WNK1: variants seen among roughly 807,000 people sequenced by gnomAD.
The protein encoded by WNK1 is serine/threonine-protein kinase WNK1.
WNK1 carries 38 observed loss-of-function variants against 222.8 expected under a neutral mutation model. The observed-to-expected ratio is 0.17, with a 90% CI of 0.13 to 0.22. The LOEUF (loss-of-function observed/expected upper bound fraction) is 0.22, where lower values mean the gene tolerates loss of function less well. Ranked by LOEUF, WNK1 falls within the 10% of genes least tolerant of loss-of-function variation. The pLI is 1.00. For synonymous variants in WNK1, 1,090 were observed against 1,092.9 expected, an observed-to-expected ratio of 1.00 and a Z score of 0.05; for missense variants, 2,348 against 2,918.4, an observed-to-expected ratio of 0.80 and a Z score of 4.50.
intron 1 of WNK1, among the ~76,000 whole-genome samples, chr12:807,142 T>G (rs1591790934): frequency 6.6e-6 from 1 of 150,586 alleles, no homozygotes; most frequent in Non-Finnish European, 1.5e-5. Context: ...GGGGAGTGGG[T>G]GGGAAGGTAG....
intron 4 of WNK1, among the ~76,000 whole-genome samples, chr12:834,277 A>G (rs914977409): frequency 6.6e-6 from 1 of 152,184 alleles, no homozygotes; most frequent in African/African-American, 2.4e-5. Context: ...CCTGCTCCCA[A>G]ATCCTGTCTC....
intron 1 of WNK1, among the ~76,000 whole-genome samples, chr12:776,719 C>T (rs1170240658): frequency 2.6e-5 from 4 of 152,216 alleles, no homozygotes; most frequent in South Asian, 4.2e-4. Flanking sequence ...TGTGAGCTAC[C>T]GCGCCTGGCC....
chr12:859,119 C>A, intron 5 of WNK1, 126 bp from the exon 6 acceptor site: 1 of 800,944 alleles, frequency 1.2e-6, no homozygotes. Flanking sequence ...ATGAGTTATA[C>A]TTTCCCCTGT....
chr12:807,708 A>ATTTT (rs1946493190), intron 1 of WNK1, among the ~76,000 whole-genome samples: 1 of 127,724 alleles, frequency 7.8e-6, no homozygotes, highest in African/African-American at 3.1e-5. Flanking sequence ...GGGAGCAATA[A>ATTTT]TTCTTTTTTT....
chr12:908,861 G>GCA lies in WNK1; in HGVS notation c.*69_*70insCA. The GCA allele has an allele frequency of 6.1e-6, 3 of 491,840 alleles. No individual in the cohort carries two copies. Among genetic ancestry groups the GCA allele is most frequent in the Non-Finnish European group, 1.2e-5 (3 of 241,768 alleles). 30.5% of individuals were successfully genotyped at this position (491,840 alleles called of 1,614,324 possible). A position where few individuals can be genotyped will look rare whatever the true frequency, so the allele number is the denominator to read the frequency against. On this transcript the variant is annotated 3_prime_UTR_variant, in exon 28 of 28. Coordinates refer to ENST00000315939, the MANE Select transcript of WNK1 (RefSeq NM_018979.4). Reference sequence around the variant, plus strand: ...ATGCTGAGGGGGTGGGTGGGGGTGGGAAGTAGCCTATATACTAACTACTAG... The same window carrying GCA: ...ATGCTGAGGGGGTGGGTGGGGGTGGGCAAAGTAGCCTATATACTAACTACTAG...
intron 4 of WNK1, among the ~76,000 whole-genome samples, chr12:846,295 C>T (rs1360811477): frequency 6.6e-6 from 1 of 152,058 alleles, no homozygotes; most frequent in Non-Finnish European, 1.5e-5. Flanking sequence ...AAGTCTATGC[C>T]ACTGATAATG....
chr12:767,922 A>C (rs12310187), intron 1 of WNK1, among the ~76,000 whole-genome samples: 2,241 of 152,212 alleles, frequency 0.015, 51 homozygotes, highest in African/African-American at 0.051. Context: ...TGCTTCAACG[A>C]CGTAACTGAG....
At chr12:809,072 CTCTTA>C (rs1293906931) in intron 1 of WNK1, among the ~76,000 whole-genome samples, 1 of 151,720 alleles carries the variant, frequency 6.6e-6, no homozygotes, top group Non-Finnish European at 1.5e-5. Context: ...CCTCCTATCT[CTCTTA>C]TAAGTAGACT....
chr12:876,535 T>C (rs141809350), intron 9 of WNK1, among the ~76,000 whole-genome samples: 1 of 152,376 alleles, frequency 6.6e-6, no homozygotes, highest in East Asian at 1.9e-4. Context: ...AGCAAAAATA[T>C]TATTTGTAGA....
intron 1 of WNK1, among the ~76,000 whole-genome samples, chr12:773,258 CA>C (rs911693561): frequency 0.018 from 2,463 of 140,056 alleles, 58 homozygotes; most frequent in African/African-American, 0.057. Flanking sequence ...AACTCCATCT[CA>C]AAAAAAAAAA....
chr12:900,628 G>A lies in WNK1; in HGVS notation c.6601G>A (p.Asp2201Asn). 1.2e-6 allele frequency: 2 copies of A among 1,614,206 alleles called. No individual in the cohort carries two copies. The highest frequency in any genetic ancestry group is 8.5e-7 in the Non-Finnish European group (1 of 1,180,038). Reference sequence around the variant, plus strand: ...CAACCTCTATTCAGCCTTCACCAGTGATGGTGCCATTTCAGTACCAAGCCT... The same window carrying A: ...CAACCTCTATTCAGCCTTCACCAGTAATGGTGCCATTTCAGTACCAAGCCT... Reference protein sequence around the residue: ...SDNLYSAFTSDGAISVPSLSA... With the variant: ...SDNLYSAFTSNGAISVPSLSA... The change falls in exon 26 of 28, where the codon GAT becomes AAT. Residue 2201 changes from aspartate to asparagine, a missense_variant. Coordinates refer to ENST00000315939, the MANE Select transcript of WNK1 (RefSeq NM_018979.4).
intron 26 of WNK1, among the ~76,000 whole-genome samples, chr12:905,502 A>G (rs543844743): frequency 6.6e-5 from 10 of 152,278 alleles, no homozygotes; most frequent in African/African-American, 1.9e-4. Context: ...TGGATAAGCA[A>G]TGGTCACGCC....
chr12:908,132 T>C, intron 27 of WNK1, 98 bp downstream of exon 27: 1 of 1,415,856 alleles, frequency 7.1e-7, no homozygotes, highest in Non-Finnish European at 9.8e-7. Context: ...GCCACGACCT[T>C]CTTCAATTTT....
At chr12:887,881 A>G (rs1953823684) in intron 20 of WNK1, among the ~76,000 whole-genome samples, 1 of 152,178 alleles carries the variant, frequency 6.6e-6, no homozygotes, top group Non-Finnish European at 1.5e-5. Context: ...TGCTAACATT[A>G]TGAGATCACT....
chr12:853,265 T>C (rs771219877), intron 4 of WNK1, among the ~76,000 whole-genome samples: 1 of 152,168 alleles, frequency 6.6e-6, no homozygotes, highest in Non-Finnish European at 1.5e-5. Flanking sequence ...TGCACAGTTA[T>C]TGGTTTTGCT....
intron 24 of WNK1, among the ~76,000 whole-genome samples, 178 bp downstream of exon 24, chr12:896,910 ACACACACACACACACACACACACACACAC>A (rs1311865735): frequency 6.4e-5 from 3 of 46,694 alleles, no homozygotes; most frequent in Admixed American, 2.8e-4. Flanking sequence ...ACACACACAC[ACACACACACACACACACACACACACACAC>A]GATTCCCAAC....
chr12:812,161 G>A (rs1946967659), intron 1 of WNK1, among the ~76,000 whole-genome samples: 2 of 152,120 alleles, frequency 1.3e-5, no homozygotes, highest in South Asian at 4.1e-4. Flanking sequence ...CAAAAGCTGG[G>A]ACCTTTGCAA....
intron 10 of WNK1, 133 bp from the exon 11 acceptor site, chr12:879,440 T>G: frequency 2.9e-6 from 2 of 699,204 alleles, no homozygotes; most frequent in Non-Finnish European, 4.7e-6. Flanking sequence ...GTTTTGTTGG[T>G]TTGGTGTTTT....
At chr12:900,016 C>CTTTTTTTTTTT (rs11433731) in intron 25 of WNK1, among the ~76,000 whole-genome samples, 7 of 119,640 alleles carry the variant, frequency 5.9e-5, no homozygotes, top group Non-Finnish European at 8.3e-5. Context: ...GGATTCTTTT[C>CTTTTTTTTTTT]TTTTTTTTTT....
Sources: gnomAD v4.1 joint callset for allele counts (sites outside exome capture counted in the v4.1 genomes callset) on GRCh38, gnomAD v4.1.1 for gene constraint, MANE v1.5 for transcripts, NCBI Gene and HGNC (gene_info 2026-07-23, HGNC 2026-07-21) for gene names.